The following PPFIA2 variants were observed in gnomAD, a reference collection of about 807,000 sequenced individuals.
The protein encoded by PPFIA2 is liprin-alpha-2.
PPFIA2 carries 46 observed loss-of-function variants against 175.5 expected under a neutral mutation model. That is an observed-to-expected ratio of 0.26 (90% CI 0.21 to 0.34). The LOEUF is 0.34. PPFIA2 is among the 10% of genes least tolerant of loss of function. The probability of loss-of-function intolerance (pLI) is 1.00; values close to 1 mark genes in which losing one functional copy is unlikely to be tolerated. For missense variants in PPFIA2, 1,179 were observed against 1,506.1 expected, an observed-to-expected ratio of 0.78 and a Z score of 3.60; for synonymous variants, 568 against 511.4, an observed-to-expected ratio of 1.11 and a Z score of -1.49.
intron 4 of PPFIA2, among the ~76,000 whole-genome samples, chr12:81,502,681 G>A (rs972337983): frequency 6.6e-6 from 1 of 152,130 alleles, no homozygotes; most frequent in Non-Finnish European, 1.5e-5. Context: ...AGGTGATGGG[G>A]TTTAGACTGT....
At chr12:81,486,035 A>T (rs1034951712) in intron 4 of PPFIA2, among the ~76,000 whole-genome samples, 2 of 151,946 alleles carry the variant, frequency 1.3e-5, no homozygotes, top group East Asian at 3.8e-4. Context: ...ACAATCTCTG[A>T]TATATTATCA....
intron 4 of PPFIA2, among the ~76,000 whole-genome samples, chr12:81,638,812 C>T (rs1595879486): frequency 6.8e-6 from 1 of 147,640 alleles, no homozygotes; most frequent in South Asian, 2.1e-4. Flanking sequence ...CTCAGCCTCC[C>T]GAGTAGCTGG....
intron 3 of PPFIA2, among the ~76,000 whole-genome samples, chr12:81,723,959 T>A (rs1487193725): frequency 2.0e-5 from 3 of 151,078 alleles, no homozygotes; most frequent in Non-Finnish European, 4.5e-5. Context: ...TGAAGTACAT[T>A]TTGGGATATT....
intron 3 of PPFIA2, among the ~76,000 whole-genome samples, chr12:81,706,710 G>C (rs1045371126): frequency 6.6e-6 from 1 of 152,060 alleles, no homozygotes; most frequent in African/African-American, 2.4e-5. Flanking sequence ...GAGGCAGCCC[G>C]CATAGCCAAG....
At chr12:81,718,418 G>A (rs998299546) in intron 3 of PPFIA2, among the ~76,000 whole-genome samples, 1 of 151,616 alleles carries the variant, frequency 6.6e-6, no homozygotes, top group African/African-American at 2.4e-5. Context: ...TTAAGGATGA[G>A]TGGAGAGGTA....
chr12:81,467,432 T>C lies in PPFIA2; in HGVS notation c.304-9566A>G, dbSNP rs60759351. Among the ~76,000 whole-genome samples, 769 of 152,322 alleles carry C rather than the reference T, an allele frequency of 5.0e-3. 6 individuals are homozygous for C. Among genetic ancestry groups the C allele is most frequent in the African/African-American group, 0.017 (714 of 41,570 alleles). On this transcript the variant is annotated intron_variant, in intron 4 of 32. Coordinates refer to ENST00000549396, the MANE Select transcript of PPFIA2 (RefSeq NM_003625.5). ...GGCCAGGCGTGGTGGCTCACGCTTG[T>C]AATCCCAGCACTGTGGGAGGCCAAG...
chr12:81,404,676 CATTT>C (rs1427687923), intron 8 of PPFIA2, among the ~76,000 whole-genome samples: 2 of 152,156 alleles, frequency 1.3e-5, no homozygotes, highest in African/African-American at 4.8e-5. Flanking sequence ...AAGATCTGTT[CATTT>C]GTCAGCCACC....
intron 3 of PPFIA2, among the ~76,000 whole-genome samples, chr12:81,718,350 G>C (rs1195410023): frequency 6.6e-6 from 1 of 151,590 alleles, no homozygotes; most frequent in Non-Finnish European, 1.5e-5. Flanking sequence ...TTTAAATCAA[G>C]ACAGAACTAG....
chr12:81,264,920 G>C (rs2036744577), intron 30 of PPFIA2, among the ~76,000 whole-genome samples: 1 of 152,124 alleles, frequency 6.6e-6, no homozygotes, highest in Admixed American at 6.5e-5. Context: ...AGCATAAATA[G>C]TCTTCAGTTT....
intron 4 of PPFIA2, among the ~76,000 whole-genome samples, chr12:81,505,225 C>G (rs2061019977): frequency 1.4e-5 from 2 of 147,178 alleles, no homozygotes; most frequent in Admixed American, 6.8e-5. Context: ...ACCTATGTAA[C>G]AAACCTGCAC....
At chr12:81,471,539 C>T (rs1211975453) in intron 4 of PPFIA2, among the ~76,000 whole-genome samples, 1 of 150,794 alleles carries the variant, frequency 6.6e-6, no homozygotes, top group Non-Finnish European at 1.5e-5. Flanking sequence ...TTTATCCATT[C>T]ATCTATTGAT....
chr12:81,629,681 G>A (rs2063143771), intron 4 of PPFIA2, among the ~76,000 whole-genome samples: 1 of 152,128 alleles, frequency 6.6e-6, no homozygotes, highest in Non-Finnish European at 1.5e-5. Flanking sequence ...ATCAAGTGAG[G>A]ACACTTGTCA....
At chr12:81,378,047 A>G (rs1173728877) in intron 9 of PPFIA2, 1 of 152,250 alleles carries the variant, frequency 6.6e-6, no homozygotes, top group East Asian at 1.9e-4. Context: ...CAGTCAGAGA[A>G]TTGCGTTATA....
At chr12:81,589,919 A>C (rs1242153516) in intron 4 of PPFIA2, among the ~76,000 whole-genome samples, 3 of 152,130 alleles carry the variant, frequency 2.0e-5, no homozygotes, top group Non-Finnish European at 4.4e-5. Flanking sequence ...TCCTCACTGA[A>C]AATTCTTAAA....
At chr12:81,449,775 C>T (rs1357917075) in intron 5 of PPFIA2, among the ~76,000 whole-genome samples, 2 of 150,650 alleles carry the variant, frequency 1.3e-5, no homozygotes, top group Admixed American at 6.6e-5. Context: ...TCTCCTAATG[C>T]TATCCCTCCC....
At position 81,368,841 on chromosome 12, in the gene PPFIA2, T is replaced by G. The variant is rs569251224; in HGVS notation, c.1366A>C (p.Lys456Gln). The change falls in exon 13 of 33, where the codon AAA becomes CAA. Residue 456 changes from lysine to glutamine, a missense_variant. Around this residue, in one of 10 missense-constraint regions of PPFIA2, gnomAD observed 66 missense variants for 129.4 expected, o/e 0.51. Transcript: ENST00000549396. ...QELQRARQRE[K>Q]MNEEHNKRLS... is the part of the protein sequence containing the mutation. Reference sequence around the variant, plus strand: ...CTCTTGTTATGCTCCTCATTCATTTTCTCTCTTTGCCTAGCCTTACATTTT... The same window carrying G: ...CTCTTGTTATGCTCCTCATTCATTTGCTCTCTTTGCCTAGCCTTACATTTT... 2 of 1,609,986 alleles carry G rather than the reference T, an allele frequency of 1.2e-6. No homozygotes were observed. Among genetic ancestry groups the G allele is most frequent in the South Asian group, 1.1e-5 (1 of 90,572 alleles).
chr12:81,425,887 A>G (rs899976851), intron 7 of PPFIA2, among the ~76,000 whole-genome samples: 9 of 152,168 alleles, frequency 5.9e-5, no homozygotes, highest in Non-Finnish European at 1.0e-4. Context: ...TATCAGCACT[A>G]TTTGTAAAAA....
intron 7 of PPFIA2, among the ~76,000 whole-genome samples, chr12:81,418,241 T>C (rs955099756): frequency 2.6e-5 from 4 of 151,916 alleles, no homozygotes; most frequent in Non-Finnish European, 5.9e-5. Flanking sequence ...CTTAGCCTTC[T>C]ATTTCCAGAG....
chr12:81,268,023 A>G lies in PPFIA2; in HGVS notation c.3375T>C (p.Tyr1125=). 6.3e-7 allele frequency: 1 copy of G among 1,595,924 alleles called. No individual in the cohort carries two copies. Among genetic ancestry groups the G allele is most frequent in the Non-Finnish European group, 8.5e-7 (1 of 1,170,246 alleles). ...RWIQAIGLRE[Y]ANNILESGVH... ...CACCGCTCTCAAGTATATTATTTGC[A>G]TATTCTCGAAGTCCAATTGCTTGTA... is the stretch of plus-strand genomic sequence containing the variant. The change falls in exon 29 of 33, where the codon TAT becomes TAC. Residue 1125 remains tyrosine, a synonymous_variant. Coordinates refer to ENST00000549396, the MANE Select transcript of PPFIA2 (RefSeq NM_003625.5).
Sources: gnomAD v4.1 joint callset for allele counts (sites outside exome capture counted in the v4.1 genomes callset) on GRCh38, gnomAD v4.1.1 for gene constraint, gnomAD v4.1.1 regional missense constraint, MANE v1.5 for transcripts, NCBI Gene and HGNC (gene_info 2026-07-23, HGNC 2026-07-21) for gene names.